The following METTL16 variants were observed in gnomAD, a reference collection of about 807,000 sequenced individuals.
METTL16 encodes the protein RNA N(6)-adenosine-methyltransferase METTL16.
METTL16 carries 19 observed loss-of-function variants against 57.9 expected under a neutral mutation model. The observed-to-expected ratio is 0.33, with a 90% CI of 0.23 to 0.48. The LOEUF is 0.48. Among genes scored for constraint, METTL16 ranks in the 20% least tolerant of loss-of-function variants. The pLI, the probability that METTL16 is intolerant of heterozygous loss-of-function variation, is 0.99. For synonymous variants in METTL16, 246 were observed against 255.6 expected (o/e 0.96, Z 0.36); for missense variants, 434 against 691.5 (o/e 0.63, Z 4.18).
At chr17:2,423,653 G>A (rs918403806) in intron 8 of METTL16, among the ~76,000 whole-genome samples, 2 of 151,914 alleles carry the variant, frequency 1.3e-5, no homozygotes, top group South Asian at 2.1e-4. Context: ...CTGCCAGCCC[G>A]CCCTGTACAG....
chr17:2,442,795 C>T (rs2066963622), intron 6 of METTL16, among the ~76,000 whole-genome samples: 1 of 151,932 alleles, frequency 6.6e-6, no homozygotes, highest in Admixed American at 6.6e-5. Context: ...ACACAAACTA[C>T]CCAAGATTAC....
At position 2,417,557 on chromosome 17, in the gene METTL16, T is replaced by G. The variant is rs893851348; in HGVS notation, c.*2413A>C. On this transcript the variant is annotated 3_prime_UTR_variant, in exon 10 of 10. Coordinates refer to ENST00000263092, the MANE Select transcript of METTL16 (RefSeq NM_024086.4). ...GGCCAGTGCTGTGCCTGAAAGACAT[T>G]TTGAACAGGCAAGGAGTGTAAGCTA... 6 of 152,186 alleles carry G rather than the reference T, an allele frequency of 3.9e-5. No individual in the cohort carries two copies. Among genetic ancestry groups the G allele is most frequent in the Non-Finnish European group, 7.3e-5 (5 of 68,028 alleles). 9.4% of individuals were successfully genotyped at this position (152,186 alleles called of 1,614,324 possible). A position where few individuals can be genotyped will look rare whatever the true frequency, so the allele number is the denominator to read the frequency against.
chr17:2,479,693 C>G (rs1373984894), intron 2 of METTL16, among the ~76,000 whole-genome samples: 1 of 152,084 alleles, frequency 6.6e-6, no homozygotes, highest in Non-Finnish European at 1.5e-5. Context: ...AGTGCCAAGA[C>G]AGAAGGAAGA....
intron 2 of METTL16, among the ~76,000 whole-genome samples, chr17:2,481,339 AG>A (rs2067304870): frequency 6.6e-6 from 1 of 152,308 alleles, no homozygotes; most frequent in Admixed American, 6.5e-5. Context: ...ATAAAATAAC[AG>A]TAAAATGAAG....
chr17:2,452,074 C>G (rs1202036439), intron 6 of METTL16, among the ~76,000 whole-genome samples: 1 of 146,216 alleles, frequency 6.8e-6, no homozygotes, highest in Non-Finnish European at 1.5e-5. Context: ...GAGGTCAGGG[C>G]TGCAGTGAGC....
At position 2,441,510 on chromosome 17, in the gene METTL16, C is replaced by T; in HGVS notation, c.778G>A (p.Glu260Lys). Residue 260 changes from glutamate (E) to lysine (K), a missense_variant, in exon 7 of 10, where the codon GAG becomes AAG. Coordinates refer to ENST00000263092, the MANE Select transcript of METTL16 (RefSeq NM_024086.4). ...GKKCSLAPLK[E>K]ELRIQGVPKV... ...CTCACCCCTTGTATGCGAAGCTCCT[C>T]CTTCAGAGGCGCCAGGCTGCATTTC... The T allele has an allele frequency of 6.3e-7, 1 of 1,597,774 alleles. No homozygotes were observed.
intron 1 of METTL16, among the ~76,000 whole-genome samples, chr17:2,503,816 A>G (rs2067509431): frequency 6.6e-6 from 1 of 152,058 alleles, no homozygotes; most frequent in South Asian, 2.1e-4. Flanking sequence ...GGATCAACAA[A>G]ATACGGTATA....
At chr17:2,492,996 A>G (rs550191935) in intron 2 of METTL16, among the ~76,000 whole-genome samples, 4 of 152,026 alleles carry the variant, frequency 2.6e-5, no homozygotes, top group African/African-American at 9.6e-5. Context: ...CCCCTTTCCA[A>G]AACACCCCTG....
chr17:2,429,903 C>A (rs182869725), intron 8 of METTL16, among the ~76,000 whole-genome samples: 9 of 150,926 alleles, frequency 6.0e-5, no homozygotes, highest in African/African-American at 2.2e-4. Flanking sequence ...CTCTGCCTAC[C>A]GGGTTCAAGC....
At chr17:2,505,116 G>A (rs2067520468) in intron 1 of METTL16, among the ~76,000 whole-genome samples, 1 of 152,062 alleles carries the variant, frequency 6.6e-6, no homozygotes, top group Non-Finnish European at 1.5e-5. Flanking sequence ...TAATGGTTTA[G>A]TAAATCTCCA....
chr17:2,440,135 C>T (rs1178357472), intron 7 of METTL16, among the ~76,000 whole-genome samples: 2 of 152,284 alleles, frequency 1.3e-5, no homozygotes, highest in East Asian at 1.9e-4. Flanking sequence ...TGTGTGCCAA[C>T]AGTCCCAGCT....
In METTL16 at chr17:2,473,519, C is replaced by T. The variant is rs953453842; in HGVS notation, c.469+5G>A. 1.2e-6 allele frequency: 2 copies of T among 1,608,874 alleles called. No individual in the cohort carries two copies. Among genetic ancestry groups the T allele is most frequent in the Non-Finnish European group, 1.7e-6 (2 of 1,178,108 alleles). ...GTTTGGAGGCATTCATTCTGTGGCG[C>T]TAACCTTTTATGAGATCAGATAAGT... On this transcript the variant is annotated splice_donor_5th_base_variant and intron_variant, in intron 4 of 9. Coordinates refer to ENST00000263092, the MANE Select transcript of METTL16 (RefSeq NM_024086.4).
chr17:2,446,539 T>A (rs1334080319), intron 6 of METTL16, among the ~76,000 whole-genome samples: 3 of 152,074 alleles, frequency 2.0e-5, no homozygotes, highest in Admixed American at 6.5e-5. Context: ...TCTCAGCACT[T>A]TGGAAGGCCA....
chr17:2,504,040 G>A (rs949338728), intron 1 of METTL16, among the ~76,000 whole-genome samples: 8 of 152,138 alleles, frequency 5.3e-5, no homozygotes, highest in African/African-American at 1.9e-4. Flanking sequence ...GCAGCCCTAA[G>A]AAGAAATGAA....
chr17:2,492,897 C>CA (rs56853674), intron 2 of METTL16, among the ~76,000 whole-genome samples: 5,387 of 75,830 alleles, frequency 0.071, 667 homozygotes, highest in African/African-American at 0.26. Flanking sequence ...GACTCCGTCT[C>CA]AAAAAAAAAA....
rs558674743 is a variant in METTL16, at chr17:2,506,333, C to T, written c.1-4002G>A. Among the ~76,000 whole-genome samples, 182 of 149,802 alleles carry T rather than the reference C, an allele frequency of 1.2e-3. 1 individual carries two copies. In the South Asian group the frequency reaches 0.017, roughly 14 times the overall value. On this transcript the variant is annotated intron_variant, in intron 1 of 9. Coordinates refer to ENST00000263092, the MANE Select transcript of METTL16 (RefSeq NM_024086.4). Reference sequence around the variant, plus strand: ...TCTTGCCACGGTCTCCCTCTGATGCCGAGCCGAAGCTGAACTGTGCTGCTG... The same window carrying T: ...TCTTGCCACGGTCTCCCTCTGATGCTGAGCCGAAGCTGAACTGTGCTGCTG...
intron 6 of METTL16, 82 bp from the exon 7 acceptor site, chr17:2,441,641 G>GCTT: frequency 1.3e-6 from 1 of 796,832 alleles, no homozygotes; most frequent in Non-Finnish European, 1.8e-6. Flanking sequence ...TGAATAAGAT[G>GCTT]AGAACAGTAA....
chr17:2,467,871 T>C lies in METTL16; in HGVS notation c.475A>G (p.Lys159Glu). The stretch of plus-strand genomic sequence containing the variant: ...ATCAGGAGTGTCTTCTGTGGCACTT[T>C]CACCACTAGGAGAAAAAACAGGACT... ...NNLSDLIKVVKVPQKTLLMDA... is the reference protein window; with the variant it reads ...NNLSDLIKVVEVPQKTLLMDA... Residue 159 changes from lysine (K) to glutamate (E), a missense_variant, in exon 5 of 10, where the codon AAA becomes GAA. Lys to Glu is a moderately conservative substitution (Grantham distance 56). Around this residue, in one of 5 missense-constraint regions of METTL16, gnomAD observed 118 missense variants for 280.0 expected, o/e 0.42. Transcript: ENST00000263092. 2 of 1,609,590 alleles carry C rather than the reference T, an allele frequency of 1.2e-6. No individual in the cohort carries two copies. Among genetic ancestry groups the C allele is most frequent in the Non-Finnish European group, 8.5e-7 (1 of 1,175,850 alleles).
At chr17:2,432,586 A>C (rs2066881326) in intron 8 of METTL16, among the ~76,000 whole-genome samples, 1 of 152,060 alleles carries the variant, frequency 6.6e-6, no homozygotes, top group East Asian at 1.9e-4. Context: ...AAAAAAATTA[A>C]GCTTGGTGGA....
Sources: gnomAD v4.1 joint callset for allele counts (sites outside exome capture counted in the v4.1 genomes callset) on GRCh38, gnomAD v4.1.1 for gene constraint, gnomAD v4.1.1 regional missense constraint, MANE v1.5 for transcripts, NCBI Gene and HGNC (gene_info 2026-07-23, HGNC 2026-07-21) for gene names.